CNOT7: variants seen among roughly 807,000 people sequenced by gnomAD.
The protein encoded by CNOT7 is BTG1-binding factor 1.
Under a neutral mutation model 37.1 loss-of-function variants are expected in CNOT7, and 4 were observed. The observed-to-expected ratio is 0.11, with a 90% CI of 0.05 to 0.25. The LOEUF is 0.25. Ranked by LOEUF, CNOT7 falls within the 10% of genes least tolerant of loss-of-function variation. CNOT7 has a pLI of 1.00. For missense variants in CNOT7, 170 were observed against 336.2 expected (o/e 0.51, Z 3.87); for synonymous variants, 128 against 115.6 (o/e 1.11, Z -0.69).
intron 3 of CNOT7, among the ~76,000 whole-genome samples, chr8:17,240,728 G>A (rs1585830100): frequency 6.6e-6 from 1 of 152,072 alleles, no homozygotes; most frequent in African/African-American, 2.4e-5. Context: ...CAAATGAAAT[G>A]GTAAAGCACT....
chr8:17,235,583 G>A (rs1809238025), intron 4 of CNOT7, among the ~76,000 whole-genome samples: 3 of 151,826 alleles, frequency 2.0e-5, no homozygotes, highest in African/African-American at 7.3e-5. Context: ...CCCTTTGTCC[G>A]GCCTTTCGCA....
chr8:17,230,429 T>TA lies in CNOT7; in HGVS notation c.*290dup, dbSNP rs1231695744. The TA allele has an allele frequency of 1.0e-5, 2 of 193,932 alleles. No individual in the cohort carries two copies. Among genetic ancestry groups the TA allele is most frequent in the African/African-American group, 4.6e-5 (2 of 43,020 alleles). The allele number at this position is 193,932 out of a possible 1,614,324, so 12.0% of individuals were successfully genotyped here. The stretch of plus-strand genomic sequence containing the variant: ...GAAAAATAAACCAAACTCAAGTCGG[T>TA]AAAGTTTATCAAAATATTCAATGAT... On this transcript the variant is annotated 3_prime_UTR_variant, in exon 7 of 7. Coordinates refer to ENST00000361272, the MANE Select transcript of CNOT7 (RefSeq NM_013354.7).
Position 17,228,280 on chromosome 8 carries a change from C to T in CNOT7, c.*2440G>A, listed in dbSNP as rs1808285831. The T allele has an allele frequency of 6.6e-6, 1 of 151,838 alleles. No homozygotes were observed. The highest frequency in any genetic ancestry group is 2.4e-5 in the African/African-American group (1 of 41,410). 9.4% of individuals were successfully genotyped at this position (151,838 alleles called of 1,614,324 possible). Reference sequence around the variant, plus strand: ...ATGAGCCTGTAATTAATTAATGGCTCAGTAACACTAAAATATCAGCCAAAT... The same window carrying T: ...ATGAGCCTGTAATTAATTAATGGCTTAGTAACACTAAAATATCAGCCAAAT... On this transcript the variant is annotated 3_prime_UTR_variant, in exon 7 of 7. Coordinates refer to ENST00000361272, the MANE Select transcript of CNOT7 (RefSeq NM_013354.7).
At chr8:17,242,382 G>C (rs921974975) in intron 3 of CNOT7, 1 of 152,110 alleles carries the variant, frequency 6.6e-6, no homozygotes, top group East Asian at 1.9e-4. Context: ...TAATAATACA[G>C]AAATATTATA....
chr8:17,245,966 CAA>C (rs780571809), intron 1 of CNOT7: 8 of 145,554 alleles, frequency 5.5e-5, no homozygotes, highest in African/African-American at 1.0e-4. Flanking sequence ...AAAAAAAAAA[CAA>C]GAGTAAAAAG....
chr8:17,234,726 T>C lies in CNOT7; in HGVS notation c.608A>G (p.Lys203Arg), dbSNP rs1809110567. The change falls in exon 5 of 7, where the codon AAA becomes AGA. Residue 203 changes from lysine (K) to arginine (R), a missense_variant. Physicochemically the swap from Lys to Arg is conservative, Grantham distance 26 (BLOSUM62 2). Around this residue, in one of 6 missense-constraint regions of CNOT7, gnomAD observed 68 missense variants for 151.1 expected, o/e 0.45. Coordinates refer to ENST00000361272, the MANE Select transcript of CNOT7 (RefSeq NM_013354.7). ...YDVKYLMKSC[K>R]NLKGGLQEVA... ...CATCCGAAGCCTTACTTTGAGATTT[T>C]TGCAGCTCTTCATGAGGTACTTCAC... is the stretch of plus-strand genomic sequence containing the variant. 2 of 1,614,112 alleles carry C rather than the reference T, an allele frequency of 1.2e-6. No homozygotes were observed. The highest frequency in any genetic ancestry group is 8.5e-7 in the Non-Finnish European group (1 of 1,180,006).
chr8:17,231,565 G>C (rs1808612714), intron 6 of CNOT7: 1 of 984,932 alleles, frequency 1.0e-6, no homozygotes, highest in East Asian at 1.1e-4. Context: ...GCTACAAAAA[G>C]TTTTAAATTC....
intron 3 of CNOT7, chr8:17,242,322 C>A (rs1008342799): frequency 6.6e-6 from 1 of 151,946 alleles, no homozygotes; most frequent in East Asian, 1.9e-4. Flanking sequence ...ATAATCTGCC[C>A]CTCTCTAAAA....
At chr8:17,238,916 C>A (rs1362469515) in intron 3 of CNOT7, among the ~76,000 whole-genome samples, 2 of 152,210 alleles carry the variant, frequency 1.3e-5, no homozygotes, top group East Asian at 3.9e-4. Context: ...CTACCAATGC[C>A]TTAGACGCTA....
intron 3 of CNOT7, among the ~76,000 whole-genome samples, chr8:17,239,822 T>C (rs1308180853): frequency 6.6e-6 from 1 of 152,248 alleles, no homozygotes; most frequent in African/African-American, 2.4e-5. Flanking sequence ...AAAATTTGTT[T>C]TAATCCTCTT....
chr8:17,232,209 T>C, intron 6 of CNOT7: 2 of 1,364,746 alleles, frequency 1.5e-6, no homozygotes, highest in Non-Finnish European at 1.9e-6. Flanking sequence ...TTTAAAATTG[T>C]TGGTTCTATG....
In CNOT7 at chr8:17,225,022, C is replaced by G. The variant is rs1208009824; in HGVS notation, c.*5698G>C. On this transcript the variant is annotated 3_prime_UTR_variant, in exon 7 of 7. Transcript: ENST00000361272. ...GTTTCGCAGTGATACAAGACACCTGCTCACAACTTACAGTATTAATTTTTT... is the reference window on the plus strand; with the variant it reads ...GTTTCGCAGTGATACAAGACACCTGGTCACAACTTACAGTATTAATTTTTT... 6.6e-6 allele frequency: 1 copy of G among 151,824 alleles called. No individual in the cohort carries two copies. The highest frequency in any genetic ancestry group is 2.4e-5 in the African/African-American group (1 of 41,516). 9.4% of individuals were successfully genotyped at this position (151,824 alleles called of 1,614,324 possible).
At chr8:17,231,855 C>G in intron 6 of CNOT7, 4 of 985,768 alleles carry the variant, frequency 4.1e-6, no homozygotes, top group Non-Finnish European at 4.8e-6. Flanking sequence ...GTTTCTGATG[C>G]AACTACTACG....
chr8:17,234,009 A>T (rs1158166501), intron 5 of CNOT7, among the ~76,000 whole-genome samples: 2 of 152,106 alleles, frequency 1.3e-5, no homozygotes, highest in East Asian at 3.9e-4. Flanking sequence ...AGCCGAGACC[A>T]CGCCACTGCA....
At chr8:17,239,037 A>C (rs1331748153) in intron 3 of CNOT7, among the ~76,000 whole-genome samples, 2 of 152,180 alleles carry the variant, frequency 1.3e-5, no homozygotes, top group East Asian at 3.9e-4. Context: ...CTGTAAAACA[A>C]AATAAAAACC....
chr8:17,243,434 A>G, intron 2 of CNOT7: 1 of 617,476 alleles, frequency 1.6e-6, no homozygotes. Flanking sequence ...ATTTAACCAA[A>G]TACTTACTCT....
intron 3 of CNOT7, among the ~76,000 whole-genome samples, chr8:17,238,205 A>G (rs1383382399): frequency 6.6e-6 from 1 of 152,226 alleles, no homozygotes; most frequent in African/African-American, 2.4e-5. Flanking sequence ...CATTTTTGAG[A>G]ATACGTGAAA....
chr8:17,237,389 G>A lies in CNOT7; in HGVS notation c.312-16C>T. 1 of 1,612,172 alleles carries A rather than the reference G, an allele frequency of 6.2e-7. No individual in the cohort carries two copies. Among genetic ancestry groups the A allele is most frequent in the Non-Finnish European group, 8.5e-7 (1 of 1,178,796 alleles). On this transcript the variant is annotated splice_polypyrimidine_tract_variant and intron_variant, in intron 3 of 6. Coordinates refer to ENST00000361272, the MANE Select transcript of CNOT7 (RefSeq NM_013354.7). ...CATGTCCTCCCTGGCAGAAGAAAGA[G>A]AAAGACAACATTCAAACATGCCATT...
intron 3 of CNOT7, among the ~76,000 whole-genome samples, chr8:17,238,509 C>A: frequency 7.2e-6 from 1 of 139,402 alleles, no homozygotes. Context: ...GAAGTAGTTT[C>A]TTTTTTTTTT....
Sources: allele counts gnomAD v4.1 joint callset (sites outside exome capture counted in the v4.1 genomes callset), GRCh38; gene constraint gnomAD v4.1.1; regional missense constraint gnomAD v4.1.1; transcripts MANE v1.5; gene names NCBI Gene and HGNC (gene_info 2026-07-23, HGNC 2026-07-21).